Variants in USF3 observed in about 807,000 individuals in gnomAD.
The protein encoded by USF3 is basic helix-loop-helix domain-containing protein USF3.
A neutral mutation model predicts 157.5 loss-of-function variants in USF3; 29 were observed. The observed-to-expected ratio is 0.18, with a 90% CI of 0.14 to 0.25. USF3 has a LOEUF of 0.25. Ranked by LOEUF, USF3 falls within the 10% of genes least tolerant of loss-of-function variation. The probability of loss-of-function intolerance (pLI) is 1.00; values close to 1 mark genes in which losing one functional copy is unlikely to be tolerated. For missense variants in USF3, 2,381 were observed against 2,667.6 expected (o/e 0.89, Z 2.37); for synonymous variants, 893 against 941.4 (o/e 0.95, Z 0.94).
At chr3:113,675,888 A>C (rs2107944754) in intron 2 of USF3, among the ~76,000 whole-genome samples, 1 of 152,290 alleles carries the variant, frequency 6.6e-6, no homozygotes, top group Non-Finnish European at 1.5e-5. Flanking sequence ...CTCAAGTTCA[A>C]AGTTCCACAG....
chr3:113,661,169 A>T lies in USF3; in HGVS notation c.513T>A (p.Asn171Lys). The T allele has an allele frequency of 6.2e-7, 1 of 1,614,218 alleles. No homozygotes were observed. Among genetic ancestry groups the T allele is most frequent in the South Asian group, 1.1e-5 (1 of 91,090 alleles). The stretch of plus-strand genomic sequence containing the variant: ...TCTGCTTTTGTAAATTATGACTAAC[A>T]TTAAAAGTTATCCCCTGAACAGCTG... ...QGTAVQGITFNVSHNLQKQTA... is the reference protein window; with the variant it reads ...QGTAVQGITFKVSHNLQKQTA... The change falls in exon 7 of 7, where the codon AAT becomes AAA. Residue 171 changes from asparagine to lysine, a missense_variant. By Grantham distance (94) the Asn-to-Lys change is moderately conservative. Around this residue, in one of 6 missense-constraint regions of USF3, gnomAD observed 1,435 missense variants for 1,550.9 expected, o/e 0.93. Coordinates refer to ENST00000316407, the MANE Select transcript of USF3 (RefSeq NM_001009899.4).
chr3:113,659,054 T>C lies in USF3; in HGVS notation c.2628A>G (p.Ile876Met). The change falls in exon 7 of 7, where the codon ATA (isoleucine) becomes ATG (methionine). Residue 876 changes from isoleucine (I) to methionine (M), a missense_variant. Physicochemically the swap from Ile to Met is conservative, Grantham distance 10. Around this residue, in one of 6 missense-constraint regions of USF3, gnomAD observed 1,435 missense variants for 1,550.9 expected, o/e 0.93. Coordinates refer to ENST00000316407, the MANE Select transcript of USF3 (RefSeq NM_001009899.4). ...SLGVLSSESL[I>M]PESVSKSKSA... Reference sequence around the variant, plus strand: ...ACTTAGATTTCGATACAGACTCAGGTATTAATGATTCAGAGCTTAGAACAC... The same window carrying C: ...ACTTAGATTTCGATACAGACTCAGGCATTAATGATTCAGAGCTTAGAACAC... 6.2e-7 allele frequency: 1 copy of C among 1,614,164 alleles called. No homozygotes were observed. The highest frequency in any genetic ancestry group is 8.5e-7 in the Non-Finnish European group (1 of 1,180,026).
At chr3:113,675,326 AC>A (rs1218095085) in intron 2 of USF3, among the ~76,000 whole-genome samples, 3 of 152,228 alleles carry the variant, frequency 2.0e-5, no homozygotes, top group East Asian at 1.9e-4. Context: ...CACAAAAAAA[AC>A]AAATGTGACA....
At position 113,651,500 on chromosome 3, in the gene USF3, A is replaced by T. The variant is rs1471341205; in HGVS notation, c.*3444T>A. On this transcript the variant is annotated 3_prime_UTR_variant, in exon 7 of 7. Coordinates refer to ENST00000316407, the MANE Select transcript of USF3 (RefSeq NM_001009899.4). The stretch of plus-strand genomic sequence containing the variant: ...CCCTGAGCCCTATTTCACATGGAGC[A>T]GGCCAAGAATAAGGTTACGTTTATT... 5.3e-5 allele frequency: 8 copies of T among 152,230 alleles called. No individual in the cohort carries two copies. The highest frequency in any genetic ancestry group is 8.8e-5 in the Non-Finnish European group (6 of 68,046). 9.4% of individuals were successfully genotyped at this position (152,230 alleles called of 1,614,324 possible). A position where few individuals can be genotyped will look rare whatever the true frequency, so the allele number is the denominator to read the frequency against.
intron 1 of USF3, among the ~76,000 whole-genome samples, chr3:113,695,887 C>T (rs187784776): frequency 6.6e-6 from 1 of 152,300 alleles, no homozygotes; most frequent in African/African-American, 2.4e-5. Flanking sequence ...CCTAACACTT[C>T]GACAGAGGGG....
At position 113,658,472 on chromosome 3, in the gene USF3, A is replaced by G; in HGVS notation, c.3210T>C (p.Asp1070=). 6.2e-7 allele frequency: 1 copy of G among 1,614,048 alleles called. No homozygotes were observed. Among genetic ancestry groups the G allele is most frequent in the Non-Finnish European group, 8.5e-7 (1 of 1,179,978 alleles). ...DPPQHHSCLP[D]QEVINGSLIN... is the part of the protein sequence containing the mutation. ...TCAAAGAACCATTAATAACCTCTTG[A>G]TCAGGGAGGCAGGAATGATGCTGTG... The change falls in exon 7 of 7, where the codon GAT becomes GAC. Residue 1070 remains aspartate (D), a synonymous_variant. Coordinates refer to ENST00000316407, the MANE Select transcript of USF3 (RefSeq NM_001009899.4).
Position 113,664,390 on chromosome 3 carries a change from T to A in USF3, c.179A>T (p.Asp60Val), listed in dbSNP as rs761079188. 1 of 1,606,082 alleles carries A rather than the reference T, an allele frequency of 6.2e-7. No individual in the cohort carries two copies. Among genetic ancestry groups the A allele is most frequent in the East Asian group, 2.2e-5 (1 of 44,748 alleles). ...TTCTGTTATATATTTAAAGGCTTGG[T>A]CCAGGATCATATTCTTGCTCTGTCC... ...ALKQSKNMIL[D>V]QAFKYITELK... The change falls in exon 6 of 7, where the codon GAC (aspartate) becomes GTC (valine). Residue 60 changes from aspartate to valine, a missense_variant. Transcript: ENST00000316407.
rs1334108018 is a variant in USF3, at chr3:113,651,997, A to G, written c.*2947T>C. 6.6e-6 allele frequency: 1 copy of G among 152,136 alleles called. No homozygotes were observed. Among genetic ancestry groups the G allele is most frequent in the African/African-American group, 2.4e-5 (1 of 41,438 alleles). The allele number at this position is 152,136 out of a possible 1,614,324, so 9.4% of individuals were successfully genotyped here. A position where few individuals can be genotyped will look rare whatever the true frequency, so the allele number is the denominator to read the frequency against. On this transcript the variant is annotated 3_prime_UTR_variant, in exon 7 of 7. Coordinates refer to ENST00000316407, the MANE Select transcript of USF3 (RefSeq NM_001009899.4). ...CAGGCTTTGAGGACTTTACATTGCA[A>G]TGTTCAAACTGAGCTTCTCCTTAGC...
In USF3 at chr3:113,655,556, A is replaced by G; in HGVS notation, c.6126T>C (p.Pro2042=). The G allele has an allele frequency of 6.2e-7, 1 of 1,614,214 alleles. No individual in the cohort carries two copies. The highest frequency in any genetic ancestry group is 8.5e-7 in the Non-Finnish European group (1 of 1,180,026). The part of the protein sequence containing the change: ...EKRGSIVRFM[P]DSPQVPNDNS... Reference sequence around the variant, plus strand: ...TATCATTAGGTACTTGTGGGCTATCAGGCATGAAACGAACAATACTTCCTC... The same window carrying G: ...TATCATTAGGTACTTGTGGGCTATCGGGCATGAAACGAACAATACTTCCTC... Residue 2042 remains proline, a synonymous_variant, in exon 7 of 7, where the codon CCT becomes CCC. Transcript: ENST00000316407.
At chr3:113,681,837 G>A (rs148906448) in intron 1 of USF3, among the ~76,000 whole-genome samples, 2,167 of 149,962 alleles carry the variant, frequency 0.014, 55 homozygotes, top group African/African-American at 0.051. Context: ...CTCTCCCTCA[G>A]CCTCCCGAGT....
chr3:113,664,493 A>G (rs1947534002), intron 5 of USF3, 84 bp from the exon 6 acceptor site: 1 of 665,542 alleles, frequency 1.5e-6, no homozygotes, highest in Admixed American at 3.0e-5. Flanking sequence ...TGTCTTTATC[A>G]CATATATATG....
chr3:113,655,923 G>A lies in USF3; in HGVS notation c.5759C>T (p.Ser1920Phe). ...NTSPNVSVQK[S>F]NPMRITESHA... ...ACTCTCAGTAATCCTCATGGGATTG[G>A]ATTTCTGTACAGAAACATTGGGGCT... The change falls in exon 7 of 7, where the codon TCC becomes TTC. Residue 1920 changes from serine to phenylalanine, a missense_variant. By Grantham distance (155) the Ser-to-Phe change is radical. This residue lies in a region of USF3 where 770 missense variants were observed against 824.2 expected (regional missense o/e 0.93). Coordinates refer to ENST00000316407, the MANE Select transcript of USF3 (RefSeq NM_001009899.4). The A allele has an allele frequency of 6.2e-7, 1 of 1,614,196 alleles. No individual in the cohort carries two copies. Among genetic ancestry groups the A allele is most frequent in the Non-Finnish European group, 8.5e-7 (1 of 1,180,038 alleles).
In USF3 at chr3:113,658,275, G is replaced by A. The variant is rs1375576730; in HGVS notation, c.3407C>T (p.Ala1136Val). Residue 1136 changes from alanine (A) to valine (V), a missense_variant, in exon 7 of 7, where the codon GCA (alanine) becomes GTA (valine). Physicochemically the swap from Ala to Val is moderately conservative, Grantham distance 64. Transcript: ENST00000316407. ...FVEQTDIVAL[A>V]ARAIFDQENL... ...CTCCTGGTCAAAAATAGCTCTTGCTGCAAGAGCTACTATATCAGTTTGCTC... is the reference window on the plus strand; with the variant it reads ...CTCCTGGTCAAAAATAGCTCTTGCTACAAGAGCTACTATATCAGTTTGCTC... 1 of 1,614,142 alleles carries A rather than the reference G, an allele frequency of 6.2e-7. No individual in the cohort carries two copies. The highest frequency in any genetic ancestry group is 1.7e-5 in the Admixed American group (1 of 60,022).
intron 4 of USF3, among the ~76,000 whole-genome samples, chr3:113,672,280 A>T (rs1707176237): frequency 6.6e-6 from 1 of 151,680 alleles, no homozygotes; most frequent in Admixed American, 6.6e-5. Flanking sequence ...ACGCACCACC[A>T]TACCCGGCTA....
intron 1 of USF3, among the ~76,000 whole-genome samples, 170 bp downstream of exon 1, chr3:113,696,200 C>G (rs1707794988): frequency 6.6e-6 from 1 of 152,142 alleles, no homozygotes; most frequent in Non-Finnish European, 1.5e-5. Context: ...CACCAGGTGC[C>G]GCACGCAAGG....
Position 113,650,965 on chromosome 3 carries a change from C to G in USF3, c.*3979G>C, listed in dbSNP as rs145532993. The G allele has an allele frequency of 7.2e-5, 11 of 152,160 alleles. 1 individual carries two copies. The highest frequency in any genetic ancestry group is 2.7e-4 in the African/African-American group (11 of 41,508). 9.4% of individuals were successfully genotyped at this position (152,160 alleles called of 1,614,324 possible). On this transcript the variant is annotated 3_prime_UTR_variant, in exon 7 of 7. Transcript: ENST00000316407. ...TAAAAACAAAAATAAATTTCCTGAACCGGTATAAAACAACATATAAGCCAT... is the reference window on the plus strand; with the variant it reads ...TAAAAACAAAAATAAATTTCCTGAAGCGGTATAAAACAACATATAAGCCAT...
chr3:113,654,660 C>A lies in USF3; in HGVS notation c.*284G>T. On this transcript the variant is annotated 3_prime_UTR_variant, in exon 7 of 7. Coordinates refer to ENST00000316407, the MANE Select transcript of USF3 (RefSeq NM_001009899.4). ...ACCCAGTACATGACAAGATGATCTC[C>A]CCCAATTTCCAGCTAATTAGTATTT... 2.6e-6 allele frequency: 1 copy of A among 379,848 alleles called. No homozygotes were observed. Among genetic ancestry groups the A allele is most frequent in the South Asian group, 4.6e-5 (1 of 21,724 alleles). The allele number at this position is 379,848 out of a possible 1,614,324, so 23.5% of individuals were successfully genotyped here.
chr3:113,674,077 A>T (rs1707223891), intron 3 of USF3, among the ~76,000 whole-genome samples: 1 of 152,232 alleles, frequency 6.6e-6, no homozygotes, highest in African/African-American at 2.4e-5. Context: ...AACATTGCTA[A>T]AGGTGCTAGA....
Position 113,649,686 on chromosome 3 carries a change from C to T in USF3, c.*5258G>A. 2 of 604,310 alleles carry T rather than the reference C, an allele frequency of 3.3e-6. No individual in the cohort carries two copies. 37.4% of individuals were successfully genotyped at this position (604,310 alleles called of 1,614,324 possible). ...TGAGTGATATGTTCCAACAGCTGGT[C>T]TAAAGACCAGAGGCACAGTTTCAGG... On this transcript the variant is annotated 3_prime_UTR_variant, in exon 7 of 7. Coordinates refer to ENST00000316407, the MANE Select transcript of USF3 (RefSeq NM_001009899.4).
Sources: allele counts gnomAD v4.1 joint callset (sites outside exome capture counted in the v4.1 genomes callset), GRCh38; gene constraint gnomAD v4.1.1; regional missense constraint gnomAD v4.1.1; transcripts MANE v1.5; gene names NCBI Gene and HGNC (gene_info 2026-07-23, HGNC 2026-07-21).